The following IDNK variants were observed in gnomAD, a reference collection of about 807,000 sequenced individuals.
IDNK encodes gluconokinase.
In IDNK, 9 loss-of-function variants were observed where a neutral mutation model predicts 13.0. The ratio of observed to expected loss-of-function variants is 0.69; its 90% CI spans 0.42 to 1.21. IDNK has a LOEUF of 1.21. IDNK is among the 50% of genes most tolerant of loss of function. The probability of loss-of-function intolerance (pLI) is 0.00; values close to 1 mark genes in which losing one functional copy is unlikely to be tolerated. For missense variants in IDNK, 210 were observed against 237.8 expected (o/e 0.88, Z 0.77); for synonymous variants, 92 against 94.9 (o/e 0.97, Z 0.18).
chr9:83,639,096 T>G (rs781014820), intron 3 of IDNK, among the ~76,000 whole-genome samples: 1 of 152,158 alleles, frequency 6.6e-6, no homozygotes, highest in Non-Finnish European at 1.5e-5. Context: ...ACCACTCACA[T>G]TTTTTACTAT....
chr9:83,624,104 T>C (rs778163133), intron 1 of IDNK, among the ~76,000 whole-genome samples: 2 of 152,218 alleles, frequency 1.3e-5, no homozygotes, highest in Non-Finnish European at 2.9e-5. Flanking sequence ...CCAAAATTAT[T>C]GTAGGGTTCT....
chr9:83,641,751 A>G (rs1431076547), intron 4 of IDNK, among the ~76,000 whole-genome samples, 160 bp downstream of exon 4: 2 of 152,242 alleles, frequency 1.3e-5, no homozygotes, highest in African/African-American at 4.8e-5. Context: ...CAATGATTTC[A>G]ACCAGCCACA....
At chr9:83,623,326 C>T in intron 1 of IDNK, 105 bp downstream of exon 1, 1 of 1,048,628 alleles carries the variant, frequency 9.5e-7, no homozygotes, top group Non-Finnish European at 1.3e-6. Flanking sequence ...TTGGGGACCC[C>T]CCACCCTTCC....
Position 83,643,428 on chromosome 9 carries a change from G to T in IDNK, c.213-1G>T, listed in dbSNP as rs1831369357. 1 of 1,579,232 alleles carries T rather than the reference G, an allele frequency of 6.3e-7. No individual in the cohort carries two copies. Among genetic ancestry groups the T allele is most frequent in the Non-Finnish European group, 8.6e-7 (1 of 1,162,080 alleles). On this transcript the variant is annotated splice_acceptor_variant, in intron 4 of 4. Coordinates refer to ENST00000376419, the MANE Select transcript of IDNK (RefSeq NM_001001551.4). LOFTEE classifies it high-confidence loss of function. ...TCTTTTTTTTTTCTTTTTCTAAACA[G>T]AGATGTAGCCTCGGGACAGCGTGTG...
chr9:83,629,105 C>T (rs1255542882), intron 3 of IDNK, 146 bp downstream of exon 3: 5 of 684,464 alleles, frequency 7.3e-6, no homozygotes, highest in Admixed American at 4.1e-5. Flanking sequence ...AGATCCTCTA[C>T]ATATGTTAGC....
chr9:83,623,119 A>T (rs1011972990), upstream of IDNK: 10 of 1,380,382 alleles, frequency 7.2e-6, no homozygotes, highest in Middle Eastern at 2.4e-4. Flanking sequence ...AGCGCCGGGT[A>T]GGCCGGGGCC....
intron 3 of IDNK, among the ~76,000 whole-genome samples, chr9:83,640,898 A>G (rs1195742005): frequency 1.3e-5 from 2 of 152,080 alleles, no homozygotes; most frequent in African/African-American, 2.4e-5. Flanking sequence ...GCTTTGTACT[A>G]TTTTGTCTGC....
At chr9:83,635,120 C>T (rs1396325980) in intron 3 of IDNK, among the ~76,000 whole-genome samples, 3 of 152,166 alleles carry the variant, frequency 2.0e-5, no homozygotes, top group Non-Finnish European at 4.4e-5. Context: ...GGTTGACTAC[C>T]CAGCTGGGAC....
chr9:83,626,688 A>T (rs1472827185), intron 1 of IDNK: 1 of 1,274,704 alleles, frequency 7.8e-7, no homozygotes. Flanking sequence ...AAGTGCTGGG[A>T]TTATAGGCGT....
At chr9:83,633,167 G>A (rs772048305) in intron 3 of IDNK, among the ~76,000 whole-genome samples, 24 of 152,120 alleles carry the variant, frequency 1.6e-4, no homozygotes, top group Non-Finnish European at 2.9e-4. Flanking sequence ...GTGAAATCCC[G>A]TCTCTACTAA....
intron 3 of IDNK, among the ~76,000 whole-genome samples, chr9:83,636,377 A>G (rs1831166643): frequency 6.6e-6 from 1 of 152,216 alleles, no homozygotes; most frequent in Admixed American, 6.5e-5. Context: ...AGGTCAGTCA[A>G]TCCAGCTAAT....
At chr9:83,629,104 A>G in intron 3 of IDNK, 145 bp downstream of exon 3, 1 of 689,088 alleles carries the variant, frequency 1.5e-6, no homozygotes, top group Admixed American at 2.0e-5. Flanking sequence ...TAGATCCTCT[A>G]CATATGTTAG....
At chr9:83,628,779 T>G (rs2131620725) in intron 2 of IDNK, 94 bp from the exon 3 acceptor site, 1 of 844,628 alleles carries the variant, frequency 1.2e-6, no homozygotes, top group Non-Finnish European at 2.0e-6. Flanking sequence ...AGGCGGGTGG[T>G]ATTGTTTCTA....
chr9:83,627,214 G>C (rs942627082), intron 1 of IDNK, among the ~76,000 whole-genome samples: 3 of 152,216 alleles, frequency 2.0e-5, no homozygotes, highest in Admixed American at 1.3e-4. Flanking sequence ...TAAAAATTAG[G>C]AAGATAGTGC....
At chr9:83,631,594 A>G (rs1385743469) in intron 3 of IDNK, among the ~76,000 whole-genome samples, 1 of 152,066 alleles carries the variant, frequency 6.6e-6, no homozygotes, top group African/African-American at 2.4e-5. Context: ...CCTGGGGGAC[A>G]GAGTGAGACC....
rs535256030 is a variant in IDNK, at chr9:83,635,136, G to A, written c.168+6177G>A. 8.8e-4 allele frequency among the ~76,000 whole-genome samples: 134 copies of A among 152,250 alleles called. 1 individual carries two copies. The highest frequency in any genetic ancestry group is 3.2e-3 in the African/African-American group (132 of 41,526). On this transcript the variant is annotated intron_variant, in intron 3 of 4. Coordinates refer to ENST00000376419, the MANE Select transcript of IDNK (RefSeq NM_001001551.4). The stretch of plus-strand genomic sequence containing the variant: ...GTTGACTACCCAGCTGGGACTCCAG[G>A]GCTGGCTCTCTGTCTTGCAGGCCCA...
At chr9:83,643,404 C>CT (rs758177728) in intron 4 of IDNK, 25 bp from the exon 5 acceptor site, 13,034 of 1,286,898 alleles carry the variant, frequency 0.01, no homozygotes, top group South Asian at 0.016. Context: ...TAGCCTCCCT[C>CT]TTTTTTTTTT....
At chr9:83,627,419 G>A (rs2131618771) in intron 1 of IDNK, among the ~76,000 whole-genome samples, 1 of 152,274 alleles carries the variant, frequency 6.6e-6, no homozygotes, top group Middle Eastern at 3.4e-3. Flanking sequence ...AAATGTAGGT[G>A]GATGGATACA....
chr9:83,627,359 TGA>T (rs1057454992), intron 1 of IDNK, among the ~76,000 whole-genome samples: 1 of 152,226 alleles, frequency 6.6e-6, no homozygotes, highest in African/African-American at 2.4e-5. Flanking sequence ...CATGTGTCAG[TGA>T]GCTTACCGTT....
Sources: gnomAD v4.1 joint callset for allele counts (sites outside exome capture counted in the v4.1 genomes callset) on GRCh38, gnomAD v4.1.1 for gene constraint, MANE v1.5 for transcripts, NCBI Gene and HGNC (gene_info 2026-07-23, HGNC 2026-07-21) for gene names.